The following MRAP variants were observed in gnomAD, a reference collection of about 807,000 sequenced individuals.
MRAP encodes melanocortin-2 receptor accessory protein.
Under a neutral mutation model 8.7 loss-of-function variants are expected in MRAP, and 8 were observed. The observed-to-expected ratio is 0.92, with a 90% CI of 0.54 to 1.66. The LOEUF is 1.66. Among genes scored for constraint, MRAP ranks in the 40% most tolerant of loss-of-function variants. The pLI is 0.00. For synonymous variants in MRAP, 95 were observed against 95.5 expected (o/e 1.00, Z 0.03); for missense variants, 237 against 217.1 (o/e 1.09, Z -0.58).
intron 2 of MRAP, among the ~76,000 whole-genome samples, chr21:32,307,789 A>G (rs2032456216): frequency 6.6e-6 from 1 of 152,144 alleles, no homozygotes; most frequent in African/African-American, 2.4e-5. Flanking sequence ...CAGGAGGATC[A>G]CTAGAGCCCA....
chr21:32,298,789 A>AC (rs983599589), upstream of MRAP: 7 of 586,130 alleles, frequency 1.2e-5, no homozygotes, highest in East Asian at 3.1e-5. Flanking sequence ...TGTGAGACAC[A>AC]CCCCCCTGAC....
At chr21:32,312,342 C>T (rs749463390), downstream of MRAP, 12 of 1,212,310 alleles carry the variant, frequency 9.9e-6, no homozygotes, top group East Asian at 5.1e-5. Context: ...CTGTGTAATG[C>T]GTTATCAGCC....
chr21:32,299,138 G>C, intron 1 of MRAP, 61 bp downstream of exon 1: 1 of 1,283,384 alleles, frequency 7.8e-7, no homozygotes, highest in East Asian at 2.3e-5. Context: ...CAAATGACTG[G>C]GCACTCCCGG....
At chr21:32,306,194 C>T (rs1254638825) in intron 1 of MRAP, among the ~76,000 whole-genome samples, 1 of 152,114 alleles carries the variant, frequency 6.6e-6, no homozygotes. Flanking sequence ...CTCCTGGGGT[C>T]TCTGAAGCTG....
chr21:32,308,244 G>A (rs2032465880), intron 2 of MRAP, among the ~76,000 whole-genome samples: 1 of 152,040 alleles, frequency 6.6e-6, no homozygotes, highest in Non-Finnish European at 1.5e-5. Flanking sequence ...CAGGTGTGGT[G>A]GTGTATGCCT....
intron 1 of MRAP, among the ~76,000 whole-genome samples, chr21:32,305,534 G>C (rs985901970): frequency 1.3e-5 from 2 of 152,200 alleles, no homozygotes; most frequent in Non-Finnish European, 1.5e-5. Context: ...TTCAGAGGAG[G>C]AGGAGGTTGG....
intron 2 of MRAP, among the ~76,000 whole-genome samples, chr21:32,293,537 T>G: frequency 6.6e-6 from 1 of 152,290 alleles, no homozygotes; most frequent in East Asian, 1.9e-4. Context: ...TCCCACCACC[T>G]GAGACCATAG....
chr21:32,298,908 G>A lies in MRAP; in HGVS notation c.-64G>A, dbSNP rs1358596952. 1.7e-6 allele frequency: 2 copies of A among 1,179,350 alleles called. No individual in the cohort carries two copies. The highest frequency in any genetic ancestry group is 1.2e-5 in the South Asian group (1 of 80,800). The allele number at this position is 1,179,350 out of a possible 1,614,324, so 73.1% of individuals were successfully genotyped here. ...AATCAGTGAGGCAGTCTCCTCCCAG[G>A]GGCTTGGCGCCTGGCTCGAGGCGAG... On this transcript the variant is annotated 5_prime_UTR_variant, in exon 1 of 3. Transcript: ENST00000303645.
At chr21:32,311,661 C>T in intron 2 of MRAP, 23 bp from the exon 3 acceptor site, 1 of 1,612,846 alleles carries the variant, frequency 6.2e-7, no homozygotes, top group Non-Finnish European at 8.5e-7. Context: ...TGATGCCTGC[C>T]TCCCACTCTG....
upstream of MRAP, among the ~76,000 whole-genome samples, chr21:32,296,640 T>C (rs1210630261): frequency 6.6e-6 from 1 of 152,196 alleles, no homozygotes; most frequent in African/African-American, 2.4e-5. Context: ...ATAAACCTAT[T>C]GTTACTATGC....
chr21:32,314,325 C>T, downstream of MRAP: 1 of 441,972 alleles, frequency 2.3e-6, no homozygotes. Flanking sequence ...GCTGGAATTA[C>T]AGGTGTGCGC....
In MRAP at chr21:32,299,047, G is replaced by A. The variant is rs377276731; in HGVS notation, c.76G>A (p.Val26Met). 75 of 1,613,978 alleles carry A rather than the reference G, an allele frequency of 4.6e-5. No individual in the cohort carries two copies. Among genetic ancestry groups the A allele is most frequent in the Non-Finnish European group, 5.9e-5 (70 of 1,179,964 alleles). The change falls in exon 1 of 3, where the codon GTG becomes ATG. Residue 26 changes from valine to methionine, a missense_variant. Physicochemically the swap from Val to Met is conservative, Grantham distance 21. Coordinates refer to ENST00000303645, the MANE Select transcript of MRAP (RefSeq NM_001379228.1). ...CCTGGACTATCTGGACCTCATTCCC[G>A]TGGACGAGAAGAAGCTGAAAGCCCA... ...YYLDYLDLIP[V>M]DEKKLKAHKH...
intron 1 of MRAP, among the ~76,000 whole-genome samples, chr21:32,301,125 C>T (rs927349620): frequency 6.7e-6 from 1 of 149,210 alleles, no homozygotes; most frequent in African/African-American, 2.6e-5. Context: ...TATATGATGG[C>T]TAATTTCTTT....
intron 2 of MRAP, among the ~76,000 whole-genome samples, chr21:32,307,919 C>T (rs1002460345): frequency 6.6e-6 from 1 of 152,132 alleles, no homozygotes; most frequent in Admixed American, 6.5e-5. Context: ...GTGATGGTTG[C>T]ACAACTCTAT....
intron 1 of MRAP, among the ~76,000 whole-genome samples, chr21:32,305,588 A>G (rs554856823): frequency 6.6e-6 from 1 of 152,184 alleles, no homozygotes; most frequent in East Asian, 1.9e-4. Context: ...GCAATTTCTA[A>G]TGTGCTGGTT....
intron 2 of MRAP, among the ~76,000 whole-genome samples, chr21:32,307,357 T>C (rs1011652663): frequency 3.9e-5 from 6 of 152,060 alleles, no homozygotes; most frequent in African/African-American, 1.2e-4. Flanking sequence ...GGTGGATCAC[T>C]TGAGGTCAGG....
Position 32,306,729 on chromosome 21 carries a change from C to T in MRAP, c.196C>T (p.Pro66Ser). Residue 66 changes from proline to serine, a missense_variant, in exon 2 of 3, where the codon CCG becomes TCG. Coordinates refer to ENST00000303645, the MANE Select transcript of MRAP (RefSeq NM_001379228.1). Reference sequence around the variant, plus strand: ...GCTCTACATGTCCTGGTCCGCCTCCCCGCAGATGAGGTGGGTAAGAAGGGG... The same window carrying T: ...GCTCTACATGTCCTGGTCCGCCTCCTCGCAGATGAGGTGGGTAAGAAGGGG... ...ILLYMSWSAS[P>S]QMRNSPKHHQ... is the part of the protein sequence containing the mutation. 1.2e-6 allele frequency: 2 copies of T among 1,614,042 alleles called. No homozygotes were observed. Among genetic ancestry groups the T allele is most frequent in the Non-Finnish European group, 1.7e-6 (2 of 1,179,900 alleles).
chr21:32,308,970 C>T (rs182509629), intron 2 of MRAP, among the ~76,000 whole-genome samples: 87 of 152,308 alleles, frequency 5.7e-4, no homozygotes, highest in African/African-American at 2.0e-3. Flanking sequence ...TGAGCCAGTG[C>T]GTCCCATGCC....
In MRAP at chr21:32,311,838, C is replaced by T; in HGVS notation, c.361C>T (p.Gln121Ter). 1 of 1,614,120 alleles carries T rather than the reference C, an allele frequency of 6.2e-7. No homozygotes were observed. The highest frequency in any genetic ancestry group is 2.2e-5 in the East Asian group (1 of 44,874). The change falls in exon 3 of 3, where the codon CAG becomes TAG. Residue 121 changes from glutamine to a stop codon, truncating the protein, a stop_gained. Coordinates refer to ENST00000303645, the MANE Select transcript of MRAP (RefSeq NM_001379228.1). LOFTEE classifies it low-confidence loss of function (END_TRUNC). Reference protein sequence around the residue: ...VEPGSRTGPDQPLRQESSSTL... With the variant: ...VEPGSRTGPD The stretch of plus-strand genomic sequence containing the variant: ...GCCAGGGAGCAGAACTGGCCCTGAC[C>T]AGCCGCTACGACAGGAGAGCTCCTC...
Sources: allele counts gnomAD v4.1 joint callset (sites outside exome capture counted in the v4.1 genomes callset), GRCh38; gene constraint gnomAD v4.1.1; transcripts MANE v1.5; gene names NCBI Gene and HGNC (gene_info 2026-07-23, HGNC 2026-07-21).